PTPRO: variants seen among roughly 807,000 people sequenced by gnomAD.
The protein encoded by PTPRO is receptor-type tyrosine-protein phosphatase O.
Under a neutral mutation model 145.2 loss-of-function variants are expected in PTPRO, and 62 were observed. The ratio of observed to expected loss-of-function variants is 0.43; its 90% CI spans 0.35 to 0.53. The LOEUF (loss-of-function observed/expected upper bound fraction) is 0.53, where lower values mean the gene tolerates loss of function less well. PTPRO is among the 20% of genes least tolerant of loss of function. The pLI, the probability that PTPRO is intolerant of heterozygous loss-of-function variation, is 0.01. For missense variants in PTPRO, 1,345 were observed against 1,482.7 expected (o/e 0.91, Z 1.53); for synonymous variants, 565 against 514.7 (o/e 1.10, Z -1.32).
chr12:15,491,501 T>C (rs1941998818), intron 2 of PTPRO, among the ~76,000 whole-genome samples: 1 of 152,196 alleles, frequency 6.6e-6, no homozygotes, highest in Non-Finnish European at 1.5e-5. Flanking sequence ...CTTGAATGAT[T>C]CAAAGATAAT....
intron 1 of PTPRO, among the ~76,000 whole-genome samples, chr12:15,480,782 G>A (rs1941763168): frequency 6.6e-6 from 1 of 152,012 alleles, no homozygotes; most frequent in Admixed American, 6.6e-5. Context: ...TGGACGGACG[G>A]ACGGACAGAC....
rs1018876897 is a variant in PTPRO, at chr12:15,496,152, T to G, written c.350-1093T>G. ...TTCTTTTCTTTTTTTGTTTTTTTTTTTTTTTTTTTTTTGAGATTTCACTCT... is the reference window on the plus strand; with the variant it reads ...TTCTTTTCTTTTTTTGTTTTTTTTTGTTTTTTTTTTTTGAGATTTCACTCT... On this transcript the variant is annotated intron_variant, in intron 2 of 26. Transcript: ENST00000281171. Among the ~76,000 whole-genome samples, 35 of 136,558 alleles carry G rather than the reference T, an allele frequency of 2.6e-4. 1 individual carries two copies. In the South Asian group the frequency reaches 4.9e-3, roughly 19 times the overall value. The allele number at this position is 136,558 out of a possible 152,430, so 89.6% of individuals were successfully genotyped here. A position where few individuals can be genotyped will look rare whatever the true frequency, so the allele number is the denominator to read the frequency against.
At chr12:15,326,870 C>A (rs1866461150) in intron 1 of PTPRO, among the ~76,000 whole-genome samples, 1 of 152,172 alleles carries the variant, frequency 6.6e-6, no homozygotes, top group Non-Finnish European at 1.5e-5. Flanking sequence ...CAGTGATGAG[C>A]TTTACTGTAA....
At position 15,497,279 on chromosome 12, in the gene PTPRO, C is replaced by A; in HGVS notation, c.384C>A (p.Asp128Glu). The change falls in exon 3 of 27, where the codon GAC (aspartate) becomes GAA (glutamate). Residue 128 changes from aspartate to glutamate, a missense_variant. Asp to Glu is a conservative substitution (Grantham distance 45). Transcript: ENST00000281171. Reference protein sequence around the residue: ...PLPVTSVSIYDYKPSPETGVL... With the variant: ...PLPVTSVSIYEYKPSPETGVL... ...CTGTAACCAGTGTTTCCATATATGACTATAAACCTTCTCCTGAAACAGGAG... is the reference window on the plus strand; with the variant it reads ...CTGTAACCAGTGTTTCCATATATGAATATAAACCTTCTCCTGAAACAGGAG... 2 of 1,584,138 alleles carry A rather than the reference C, an allele frequency of 1.3e-6. No individual in the cohort carries two copies. The highest frequency in any genetic ancestry group is 1.7e-6 in the Non-Finnish European group (2 of 1,153,152).
At position 15,537,534 on chromosome 12, in the gene PTPRO, A is replaced by G. The variant is rs191922058; in HGVS notation, c.2165-9035A>G. Among the ~76,000 whole-genome samples, 5 of 152,246 alleles carry G rather than the reference A, an allele frequency of 3.3e-5. No homozygotes were observed. The East Asian group carries it at 7.7e-4, about 24-fold the overall frequency. On this transcript the variant is annotated intron_variant, in intron 12 of 26. Coordinates refer to ENST00000281171, the MANE Select transcript of PTPRO (RefSeq NM_030667.3). ...CTGGTAAGATGAGGAATGAGAATTG[A>G]CCACTGATCTTAGCAGCCCAGAAGT...
chr12:15,347,519 CCTAT>C (rs1364071250), intron 1 of PTPRO, among the ~76,000 whole-genome samples: 7 of 152,028 alleles, frequency 4.6e-5, no homozygotes, highest in African/African-American at 1.5e-4. Context: ...TTTTTAGTTA[CCTAT>C]CTGTTACTCT....
At chr12:15,370,726 C>G (rs1591750830) in intron 1 of PTPRO, among the ~76,000 whole-genome samples, 1 of 151,986 alleles carries the variant, frequency 6.6e-6, no homozygotes, top group East Asian at 1.9e-4. Context: ...AAATCAAAAG[C>G]CTTGAAAATA....
In PTPRO at chr12:15,322,921, G is replaced by A; in HGVS notation, c.75+120G>A. 1.0e-6 allele frequency: 1 copy of A among 964,118 alleles called. No homozygotes were observed. The highest frequency in any genetic ancestry group is 1.5e-6 in the Non-Finnish European group (1 of 650,038). The allele number at this position is 964,118 out of a possible 1,614,324, so 59.7% of individuals were successfully genotyped here. A position where few individuals can be genotyped will look rare whatever the true frequency, so the allele number is the denominator to read the frequency against. On this transcript the variant is annotated intron_variant, in intron 1 of 26. Transcript: ENST00000281171. This position sits in a 1 kb window ranked among gnomAD's most constrained non-coding sequence, Gnocchi z 6.3. ...GCACGATGGCCCAGCCGCGGGAAGCGCCTGCCGTGCAGCCTGGGCGCACGC... is the reference window on the plus strand; with the variant it reads ...GCACGATGGCCCAGCCGCGGGAAGCACCTGCCGTGCAGCCTGGGCGCACGC...
intron 13 of PTPRO, among the ~76,000 whole-genome samples, chr12:15,548,213 T>C (rs77727866): frequency 6.7e-6 from 1 of 149,996 alleles, no homozygotes. Flanking sequence ...AAAAAAAAAA[T>C]GCAAAATAAA....
chr12:15,389,984 T>C (rs1939144146), intron 1 of PTPRO, among the ~76,000 whole-genome samples: 1 of 152,162 alleles, frequency 6.6e-6, no homozygotes, highest in African/African-American at 2.4e-5. Context: ...TATTTGAGAA[T>C]ATAATTATAG....
intron 12 of PTPRO, among the ~76,000 whole-genome samples, chr12:15,538,124 C>G (rs1446721333): frequency 6.6e-6 from 1 of 152,152 alleles, no homozygotes; most frequent in African/African-American, 2.4e-5. Context: ...GGCTCTGTAC[C>G]TGGGCCTGAC....
intron 1 of PTPRO, among the ~76,000 whole-genome samples, chr12:15,386,261 A>G (rs985006001): frequency 2.6e-5 from 4 of 152,184 alleles, no homozygotes; most frequent in African/African-American, 9.6e-5. Flanking sequence ...CATAATTAAA[A>G]TAAGAATAAA....
Position 15,593,343 on chromosome 12 carries a change from T to C in PTPRO, c.3547-1594T>C, listed in dbSNP as rs576106812. Among the ~76,000 whole-genome samples, 21 of 152,374 alleles carry C rather than the reference T, an allele frequency of 1.4e-4. No individual in the cohort carries two copies. In the East Asian group the frequency reaches 3.9e-3, roughly 28 times the overall value. Reference sequence around the variant, plus strand: ...TTTTGACCGGATCTCATTTAAATGTTATTTCTAGTGCTATTACTTATAGAG... The same window carrying C: ...TTTTGACCGGATCTCATTTAAATGTCATTTCTAGTGCTATTACTTATAGAG... On this transcript the variant is annotated intron_variant, in intron 25 of 26. Coordinates refer to ENST00000281171, the MANE Select transcript of PTPRO (RefSeq NM_030667.3).
chr12:15,353,238 C>G (rs373553210), intron 1 of PTPRO, among the ~76,000 whole-genome samples: 1 of 151,978 alleles, frequency 6.6e-6, no homozygotes, highest in Non-Finnish European at 1.5e-5. Context: ...ACCACACACA[C>G]GTAAGAGGAC....
At chr12:15,389,325 T>G (rs1336421955) in intron 1 of PTPRO, among the ~76,000 whole-genome samples, 1 of 151,984 alleles carries the variant, frequency 6.6e-6, no homozygotes, top group Non-Finnish European at 1.5e-5. Flanking sequence ...GCCAGGATGG[T>G]CTCGATCTCC....
chr12:15,547,884 G>T (rs561837583), intron 13 of PTPRO, among the ~76,000 whole-genome samples: 1 of 152,180 alleles, frequency 6.6e-6, no homozygotes, highest in Non-Finnish European at 1.5e-5. Context: ...TCAAAATCTT[G>T]TTTTGAAAAA....
intron 1 of PTPRO, among the ~76,000 whole-genome samples, chr12:15,438,258 C>T (rs1157950760): frequency 6.6e-6 from 1 of 151,984 alleles, no homozygotes; most frequent in Non-Finnish European, 1.5e-5. Context: ...GCCAGTGTCT[C>T]CAGGTGAGAA....
intron 1 of PTPRO, chr12:15,348,719 C>G (rs1937682513): frequency 6.6e-6 from 1 of 151,526 alleles, no homozygotes; most frequent in Non-Finnish European, 1.5e-5. Context: ...CCCCGGGGGG[C>G]GGAGCCTGCC....
chr12:15,380,935 A>G (rs1938842251), intron 1 of PTPRO, among the ~76,000 whole-genome samples: 1 of 152,206 alleles, frequency 6.6e-6, no homozygotes, highest in Non-Finnish European at 1.5e-5. Flanking sequence ...AAGGAGACAT[A>G]CTATATAGAA....
Sources: gnomAD v4.1 joint callset for allele counts (sites outside exome capture counted in the v4.1 genomes callset) on GRCh38, gnomAD v4.1.1 for gene constraint, Gnocchi (gnomAD v3.1) non-coding constraint, MANE v1.5 for transcripts, NCBI Gene and HGNC (gene_info 2026-07-23, HGNC 2026-07-21) for gene names.